The following LRCH2 variants were observed in gnomAD, a reference collection of about 807,000 sequenced individuals.
LRCH2 encodes the protein leucine-rich repeat and calponin homology domain-containing protein 2.
Under a neutral mutation model 68.9 loss-of-function variants are expected in LRCH2, and 38 were observed. The observed-to-expected ratio is 0.55, with a 90% CI of 0.43 to 0.72. LRCH2 has a LOEUF of 0.72. LRCH2 is among the 30% of genes least tolerant of loss of function. The probability of loss-of-function intolerance (pLI) is 0.00; values close to 1 mark genes in which losing one functional copy is unlikely to be tolerated. For missense variants in LRCH2, 528 were observed against 572.9 expected, an observed-to-expected ratio of 0.92 and a Z score of 0.80; for synonymous variants, 191 against 208.1, an observed-to-expected ratio of 0.92 and a Z score of 0.71.
At chrX:115,225,600 T>C (rs952860477) in intron 1 of LRCH2, among the ~76,000 whole-genome samples, 25 of 111,913 alleles carry the variant, frequency 2.2e-4, no homozygotes, top group Non-Finnish European at 1.9e-5. Flanking sequence ...ATTGATACAT[T>C]TGGCTGTATT....
At chrX:115,209,165 T>C (rs113887550) in intron 1 of LRCH2, among the ~76,000 whole-genome samples, 5,966 of 112,433 alleles carry the variant, frequency 0.053, 396 homozygotes, top group African/African-American at 0.18. Flanking sequence ...CCCTATATGC[T>C]AGATCACAGT....
chrX:115,159,807 C>T (rs782470247), intron 11 of LRCH2, among the ~76,000 whole-genome samples: 8 of 109,233 alleles, frequency 7.3e-5, no homozygotes, highest in African/African-American at 2.7e-4. Context: ...TTAACCTACA[C>T]ATCTTAATCA....
intron 20 of LRCH2, among the ~76,000 whole-genome samples, chrX:115,117,276 TAGA>T (rs1400443909): frequency 9.0e-6 from 1 of 111,683 alleles, no homozygotes; most frequent in African/African-American, 3.2e-5. Flanking sequence ...CTAAAATTTT[TAGA>T]AGATTGATCA....
chrX:115,118,418 A>C lies in LRCH2; in HGVS notation c.2178+4109T>G, dbSNP rs1166123557. Among the ~76,000 whole-genome samples the C allele has an allele frequency of 4.5e-4, 49 of 109,684 alleles. No individual in the cohort carries two copies. The Admixed American group carries it at 4.7e-3, about 10-fold the overall frequency. ...TACGCAAATAAACTAGAAAATCTAG[A>C]AGAAATGGATAAATTCCTCTACACA... is the stretch of plus-strand genomic sequence containing the variant. On this transcript the variant is annotated intron_variant, in intron 20 of 20. Transcript: ENST00000317135.
intron 1 of LRCH2, among the ~76,000 whole-genome samples, chrX:115,197,847 T>TCTCTCTCTCTCTCTCTCACACACACA (rs782358260): frequency 3.9e-4 from 8 of 20,565 alleles, no homozygotes; most frequent in African/African-American, 1.2e-3. Context: ...TCTCTCTCTC[T>TCTCTCTCTCTCTCTCTCACACACACA]CACACACACA....
At chrX:115,175,015 T>C (rs1426486481) in intron 5 of LRCH2, among the ~76,000 whole-genome samples, 1 of 111,575 alleles carries the variant, frequency 9.0e-6, no homozygotes, top group East Asian at 2.8e-4. Context: ...TGATCACCAA[T>C]GGCCAATGAT....
intron 5 of LRCH2, among the ~76,000 whole-genome samples, chrX:115,176,239 C>G (rs191304200): frequency 1.8e-5 from 2 of 112,136 alleles, no homozygotes; most frequent in Non-Finnish European, 3.8e-5. Context: ...TTTGAGGAAG[C>G]ACTATACTGT....
At chrX:115,161,878 A>G (rs1556541876) in intron 11 of LRCH2, among the ~76,000 whole-genome samples, 1 of 110,066 alleles carries the variant, frequency 9.1e-6, no homozygotes, top group East Asian at 2.8e-4. Context: ...ATCTATAATT[A>G]TGCACTCAAA....
chrX:115,160,455 G>A (rs1556541168), intron 11 of LRCH2, among the ~76,000 whole-genome samples: 1 of 112,067 alleles, frequency 8.9e-6, no homozygotes, highest in Non-Finnish European at 1.9e-5. Context: ...GAAGATACAT[G>A]GCTTCATTTA....
At chrX:115,147,553 T>C (rs1556536768) in intron 14 of LRCH2, among the ~76,000 whole-genome samples, 1 of 111,726 alleles carries the variant, frequency 9.0e-6, no homozygotes, top group Non-Finnish European at 1.9e-5. Context: ...ACTTCAAATA[T>C]TATATCATTT....
chrX:115,202,530 G>A (rs2072937642), intron 1 of LRCH2, among the ~76,000 whole-genome samples: 1 of 111,817 alleles, frequency 8.9e-6, no homozygotes, highest in African/African-American at 3.2e-5. Flanking sequence ...AATTTTTAGT[G>A]AAAAAACAAG....
chrX:115,183,078 A>G (rs916952483), intron 3 of LRCH2, among the ~76,000 whole-genome samples: 3 of 110,421 alleles, frequency 2.7e-5, no homozygotes, highest in Non-Finnish European at 3.8e-5. Flanking sequence ...ACGCACACAC[A>G]CACACACACA....
intron 1 of LRCH2, among the ~76,000 whole-genome samples, chrX:115,226,895 C>T (rs2073122523): frequency 9.0e-6 from 1 of 111,268 alleles, no homozygotes; most frequent in Admixed American, 9.6e-5. Flanking sequence ...CTTTATAAAG[C>T]CCCCCTCTGC....
intron 17 of LRCH2, 107 bp downstream of exon 17, chrX:115,123,838 G>A (rs1316099359): frequency 6.9e-6 from 3 of 436,617 alleles, no homozygotes; most frequent in Non-Finnish European, 1.1e-5. Context: ...TTTTAGGAGA[G>A]GGGAAAGAAT....
intron 1 of LRCH2, among the ~76,000 whole-genome samples, chrX:115,193,657 T>C (rs1253908675): frequency 9.0e-6 from 1 of 111,604 alleles, no homozygotes; most frequent in African/African-American, 3.3e-5. Context: ...GGTTGAAAAA[T>C]AAATACTCTA....
At chrX:115,131,070 A>C (rs1556529960) in intron 14 of LRCH2, among the ~76,000 whole-genome samples, 1 of 110,729 alleles carries the variant, frequency 9.0e-6, no homozygotes, top group Non-Finnish European at 1.9e-5. Flanking sequence ...AATTTTTTTA[A>C]ATTATTATTA....
intron 12 of LRCH2, among the ~76,000 whole-genome samples, chrX:115,150,828 A>G (rs1556538146): frequency 9.0e-6 from 1 of 111,240 alleles, no homozygotes. Context: ...TTAAAGAAAA[A>G]CATACAAAAG....
chrX:115,190,331 A>G (rs1346177865), intron 1 of LRCH2: 2 of 1,158,080 alleles, frequency 1.7e-6, no homozygotes, highest in Non-Finnish European at 2.3e-6. Context: ...CATCCCAGCA[A>G]AGGCTCCTAC....
Position 115,112,371 on chromosome X carries a change from TTAAG to T in LRCH2, c.*841_*844del, listed in dbSNP as rs1219327313. 8.9e-6 allele frequency: 1 copy of T among 112,038 alleles called. No individual in the cohort carries two copies. Among genetic ancestry groups the T allele is most frequent in the African/African-American group, 3.2e-5 (1 of 30,876 alleles). 9.2% of individuals were successfully genotyped at this position (112,038 alleles called of 1,213,427 possible). Reference sequence around the variant, plus strand: ...TCAAATAATACATTTTAAAAGATGATTAAGTTTCACAAAATTAAATAGCATAAAT... The same window carrying T: ...TCAAATAATACATTTTAAAAGATGATTTTCACAAAATTAAATAGCATAAAT... On this transcript the variant is annotated 3_prime_UTR_variant, in exon 21 of 21. Coordinates refer to ENST00000317135, the MANE Select transcript of LRCH2 (RefSeq NM_020871.4).
Sources: gnomAD v4.1 joint callset for allele counts (sites outside exome capture counted in the v4.1 genomes callset) on GRCh38, gnomAD v4.1.1 for gene constraint, MANE v1.5 for transcripts, NCBI Gene and HGNC (gene_info 2026-07-23, HGNC 2026-07-21) for gene names.